The following ZFPM2 variants were observed in gnomAD, a reference collection of about 807,000 sequenced individuals.
ZFPM2 encodes zinc finger protein ZFPM2.
Under a neutral mutation model 98.6 loss-of-function variants are expected in ZFPM2, and 20 were observed. The observed-to-expected ratio is 0.20, with a 90% CI of 0.14 to 0.29. The LOEUF (loss-of-function observed/expected upper bound fraction) is 0.29. ZFPM2 is among the 10% of genes least tolerant of loss of function. ZFPM2 has a pLI of 1.00. For missense variants in ZFPM2, 1,310 were observed against 1,388.6 expected, an observed-to-expected ratio of 0.94 and a Z score of 0.90; for synonymous variants, 518 against 502.7, an observed-to-expected ratio of 1.03 and a Z score of -0.41.
intron 2 of ZFPM2, among the ~76,000 whole-genome samples, chr8:105,431,781 A>G (rs1261234879): frequency 4.6e-5 from 7 of 152,032 alleles, no homozygotes. Context: ...CTAGCAGGGC[A>G]TGGTGGTGCA....
At chr8:105,644,680 G>C (rs112459941) in intron 5 of ZFPM2, among the ~76,000 whole-genome samples, 124 of 152,230 alleles carry the variant, frequency 8.1e-4, no homozygotes, top group African/African-American at 2.9e-3. Context: ...TGATTCCGGA[G>C]ACTGGGAAGT....
At chr8:105,391,262 T>C (rs1811102423) in intron 1 of ZFPM2, among the ~76,000 whole-genome samples, 1 of 152,176 alleles carries the variant, frequency 6.6e-6, no homozygotes, top group African/African-American at 2.4e-5. Context: ...GAACTTAAAG[T>C]ATAATGAATA....
intron 3 of ZFPM2, among the ~76,000 whole-genome samples, chr8:105,463,846 TCTTAGCGTCTACA>T (rs1385784845): frequency 6.6e-6 from 1 of 152,080 alleles, no homozygotes; most frequent in African/African-American, 2.4e-5. Flanking sequence ...TGCATTTACC[TCTTAGCGTCTACA>T]CTTAAATGCT....
chr8:105,418,819 T>C (rs1427404064), intron 1 of ZFPM2: 1 of 531,384 alleles, frequency 1.9e-6, no homozygotes, highest in Admixed American at 2.1e-5. Context: ...TTCTAACAAA[T>C]GAACATAAAG....
At chr8:105,538,824 C>A (rs1272739596) in intron 3 of ZFPM2, among the ~76,000 whole-genome samples, 1 of 152,016 alleles carries the variant, frequency 6.6e-6, no homozygotes, top group Admixed American at 6.6e-5. Context: ...CGAGCCTGGG[C>A]AGCATTGGGA....
intron 1 of ZFPM2, among the ~76,000 whole-genome samples, chr8:105,346,590 C>T (rs1185339972): frequency 3.9e-5 from 6 of 152,074 alleles, no homozygotes; most frequent in African/African-American, 1.2e-4. Flanking sequence ...GGAAGGAAAA[C>T]TTTCATTGAG....
intron 3 of ZFPM2, among the ~76,000 whole-genome samples, chr8:105,458,098 A>T (rs775001931): frequency 6.6e-6 from 1 of 152,180 alleles, no homozygotes; most frequent in Admixed American, 6.5e-5. Flanking sequence ...TTTGAAGGGA[A>T]TAAGAAAGGA....
At chr8:105,600,551 T>G (rs563477864) in intron 4 of ZFPM2, among the ~76,000 whole-genome samples, 2 of 152,278 alleles carry the variant, frequency 1.3e-5, no homozygotes, top group South Asian at 4.1e-4. Context: ...TTCATGAATT[T>G]GCTAACTTAT....
chr8:105,594,766 G>T (rs1019552750), intron 4 of ZFPM2, among the ~76,000 whole-genome samples: 2 of 151,940 alleles, frequency 1.3e-5, no homozygotes, highest in African/African-American at 4.8e-5. Context: ...GCCCTTTTCA[G>T]CACTCATGTT....
At chr8:105,341,509 A>G (rs1442995630) in intron 1 of ZFPM2, among the ~76,000 whole-genome samples, 1 of 151,962 alleles carries the variant, frequency 6.6e-6, no homozygotes, top group Non-Finnish European at 1.5e-5. Flanking sequence ...GCATGTGGCA[A>G]TACAGTATGT....
In ZFPM2 at chr8:105,801,764, A is replaced by G. The variant is rs1195418218; in HGVS notation, c.1682A>G (p.Asp561Gly). 6.2e-7 allele frequency: 1 copy of G among 1,613,944 alleles called. No individual in the cohort carries two copies. The highest frequency in any genetic ancestry group is 8.5e-7 in the Non-Finnish European group (1 of 1,179,878). ...TGTAACATAACATTCAATAATTTGG[A>G]TAATTATCTAGTGCACAAAAAGCAT... ...FECNITFNNLDNYLVHKKHYC... is the reference protein window; with the variant it reads ...FECNITFNNLGNYLVHKKHYC... The change falls in exon 8 of 8, where the codon GAT becomes GGT. Residue 561 changes from aspartate to glycine, a missense_variant. Physicochemically the swap from Asp to Gly is moderately conservative, Grantham distance 94. Transcript: ENST00000407775.
At chr8:105,765,231 A>G (rs1425559306) in intron 5 of ZFPM2, among the ~76,000 whole-genome samples, 2 of 151,832 alleles carry the variant, frequency 1.3e-5, no homozygotes, top group Non-Finnish European at 2.9e-5. Flanking sequence ...CTAGTTAACT[A>G]CCAGTGCTTT....
intron 1 of ZFPM2, among the ~76,000 whole-genome samples, chr8:105,391,707 A>C (rs1467455011): frequency 6.6e-6 from 1 of 152,214 alleles, no homozygotes; most frequent in Non-Finnish European, 1.5e-5. Context: ...CTCATGTGTT[A>C]AAGTTTGTCA....
intron 5 of ZFPM2, among the ~76,000 whole-genome samples, chr8:105,765,629 G>A (rs914851487): frequency 3.3e-5 from 5 of 151,792 alleles, no homozygotes; most frequent in African/African-American, 1.2e-4. Context: ...GGAAAATGCA[G>A]CATAATTCGT....
At chr8:105,789,077 A>G in intron 6 of ZFPM2, 153 bp downstream of exon 6, 2 of 657,014 alleles carry the variant, frequency 3.0e-6, no homozygotes, top group Non-Finnish European at 2.4e-6. Context: ...TTAATTTGAG[A>G]AAATGATGTT....
At chr8:105,393,590 A>G (rs1811162084) in intron 1 of ZFPM2, among the ~76,000 whole-genome samples, 1 of 152,052 alleles carries the variant, frequency 6.6e-6, no homozygotes, top group African/African-American at 2.4e-5. Flanking sequence ...GAGCATGTTT[A>G]TTATTATAAC....
At chr8:105,469,079 C>G (rs941324677) in intron 3 of ZFPM2, among the ~76,000 whole-genome samples, 3 of 152,024 alleles carry the variant, frequency 2.0e-5, no homozygotes, top group African/African-American at 7.2e-5. Context: ...TCAGAGCACA[C>G]AAATCTAGAA....
intron 5 of ZFPM2, among the ~76,000 whole-genome samples, chr8:105,693,980 C>CT (rs376834507): frequency 0.015 from 1,733 of 118,126 alleles, 64 homozygotes; most frequent in African/African-American, 0.019. Context: ...TTTTTCTTTT[C>CT]TTTTTTTTTT....
chr8:105,419,301 A>C lies in ZFPM2; in HGVS notation c.198A>C (p.Lys66Asn). 1 of 1,613,040 alleles carries C rather than the reference A, an allele frequency of 6.2e-7. No homozygotes were observed. The highest frequency in any genetic ancestry group is 8.5e-7 in the Non-Finnish European group (1 of 1,179,512). The change falls in exon 2 of 8, where the codon AAA (lysine) becomes AAC (asparagine). Residue 66 changes from lysine to asparagine, a missense_variant and splice_region_variant. Transcript: ENST00000407775. ...SCEEVEYFCN[K>N]GDDEGIQETA... ...AAGAAGTGGAATACTTTTGTAACAA[A>C]GGTAATTGTTGATGGTTGGATGTAA... is the stretch of plus-strand genomic sequence containing the variant.
Sources: gnomAD v4.1 joint callset for allele counts (sites outside exome capture counted in the v4.1 genomes callset) on GRCh38, gnomAD v4.1.1 for gene constraint, MANE v1.5 for transcripts, NCBI Gene and HGNC (gene_info 2026-07-23, HGNC 2026-07-21) for gene names.